LATS1: variants seen among roughly 807,000 people sequenced by gnomAD.
LATS1 encodes large tumor suppressor kinase 1, also known as serine/threonine-protein kinase LATS1.
In LATS1, 25 loss-of-function variants were observed where a neutral mutation model predicts 106.6. The observed-to-expected ratio is 0.23, with a 90% CI of 0.17 to 0.33. The LOEUF (loss-of-function observed/expected upper bound fraction) is 0.33, where lower values mean the gene tolerates loss of function less well. Ranked by LOEUF, LATS1 falls within the 10% of genes least tolerant of loss-of-function variation. LATS1 has a pLI of 1.00. For missense variants in LATS1, 1,040 were observed against 1,382.6 expected, an observed-to-expected ratio of 0.75 and a Z score of 3.93; for synonymous variants, 465 against 455.6, an observed-to-expected ratio of 1.02 and a Z score of -0.26.
intron 2 of LATS1, among the ~76,000 whole-genome samples, chr6:149,699,049 A>G (rs892029215): frequency 4.8e-5 from 6 of 126,310 alleles, no homozygotes; most frequent in Non-Finnish European, 9.6e-5. Context: ...GTCACCAGAA[A>G]CACATTCTCA....
intron 4 of LATS1, among the ~76,000 whole-genome samples, chr6:149,681,572 C>T (rs537446161): frequency 1.3e-5 from 2 of 152,228 alleles, no homozygotes; most frequent in East Asian, 1.9e-4. Context: ...TAAGAAAATA[C>T]ACATAGGCAG....
At chr6:149,689,969 C>T (rs1204320055) in intron 3 of LATS1, among the ~76,000 whole-genome samples, 1 of 143,194 alleles carries the variant, frequency 7.0e-6, no homozygotes, top group Non-Finnish European at 1.6e-5. Context: ...TAAGTCTTTA[C>T]TTAAAAAAAA....
At position 149,683,550 on chromosome 6, in the gene LATS1, T is replaced by C. The variant is rs567381695; in HGVS notation, c.1539A>G (p.Ala513=). The C allele has an allele frequency of 6.2e-7, 1 of 1,614,240 alleles. No individual in the cohort carries two copies. Among genetic ancestry groups the C allele is most frequent in the South Asian group, 1.1e-5 (1 of 91,088 alleles). ...VLKPELQTAL[A]PTHPSWIPQP... is the part of the protein sequence containing the mutation. ...GTGGTATCCAAGAAGGGTGTGTAGG[T>C]GCTAAAGCAGTCTGTAGCTCTGGTT... The change falls in exon 4 of 8, where the codon GCA becomes GCG. Residue 513 remains alanine (A), a synonymous_variant. Coordinates refer to ENST00000543571, the MANE Select transcript of LATS1 (RefSeq NM_004690.4).
Position 149,660,652 on chromosome 6 carries a change from A to C in LATS1, c.*1077T>G. The C allele has an allele frequency of 4.3e-6, 1 of 231,312 alleles. No individual in the cohort carries two copies. The highest frequency in any genetic ancestry group is 8.5e-6 in the Non-Finnish European group (1 of 116,972). 14.3% of individuals were successfully genotyped at this position (231,312 alleles called of 1,614,324 possible). A position where few individuals can be genotyped will look rare whatever the true frequency, so the allele number is the denominator to read the frequency against. On this transcript the variant is annotated 3_prime_UTR_variant, in exon 8 of 8. Coordinates refer to ENST00000543571, the MANE Select transcript of LATS1 (RefSeq NM_004690.4). Reference sequence around the variant, plus strand: ...ATGTTGAACGCATTATTGAACCTTAAATAAATTAGGAGGACTTGAATTTTC... The same window carrying C: ...ATGTTGAACGCATTATTGAACCTTACATAAATTAGGAGGACTTGAATTTTC...
At position 149,660,818 on chromosome 6, in the gene LATS1, ACT is replaced by A. The variant is rs1222447867; in HGVS notation, c.*909_*910del. ...GCCAATAACAATCTGTATATGCAGC[ACT>A]GTTCTGAAAGAGGAAACAGGTAACA... On this transcript the variant is annotated 3_prime_UTR_variant, in exon 8 of 8. Transcript: ENST00000543571. 2.8e-5 allele frequency: 6 copies of A among 217,852 alleles called. No homozygotes were observed. The highest frequency in any genetic ancestry group is 1.3e-4 in the African/African-American group (6 of 44,582). The allele number at this position is 217,852 out of a possible 1,614,324, so 13.5% of individuals were successfully genotyped here. A position where few individuals can be genotyped will look rare whatever the true frequency, so the allele number is the denominator to read the frequency against.
intron 7 of LATS1, among the ~76,000 whole-genome samples, chr6:149,674,781 G>C (rs1781624734): frequency 1.3e-5 from 2 of 151,466 alleles, no homozygotes; most frequent in African/African-American, 4.9e-5. Flanking sequence ...AAAAAAAAAT[G>C]CACCTGCGGT....
chr6:149,687,349 C>T (rs1335442805), intron 3 of LATS1, among the ~76,000 whole-genome samples: 1 of 152,152 alleles, frequency 6.6e-6, no homozygotes, highest in Non-Finnish European at 1.5e-5. Context: ...CCTCAGCATC[C>T]CAAAGTGTTG....
In LATS1 at chr6:149,669,372, A is replaced by G. The variant is rs542241494; in HGVS notation, c.2883+6888T>C. On this transcript the variant is annotated intron_variant, in intron 7 of 7. Transcript: ENST00000543571. Reference sequence around the variant, plus strand: ...ATGGTCTCGATCTCCTGACCTCATGATCTACCTGCCTTGGCCTCCCAAAGT... The same window carrying G: ...ATGGTCTCGATCTCCTGACCTCATGGTCTACCTGCCTTGGCCTCCCAAAGT... Among the ~76,000 whole-genome samples, 204 of 144,526 alleles carry G rather than the reference A, an allele frequency of 1.4e-3. 3 individuals are homozygous for G. Among genetic ancestry groups the G allele is most frequent in the African/African-American group, 5.1e-3 (197 of 38,526 alleles). 94.8% of individuals were successfully genotyped at this position (144,526 alleles called of 152,430 possible).
rs993711757 is a variant in LATS1, at chr6:149,659,736, G to A, written c.*1993C>T. The A allele has an allele frequency of 2.2e-5, 5 of 226,794 alleles. No homozygotes were observed. Among genetic ancestry groups the A allele is most frequent in the Admixed American group, 5.7e-5 (1 of 17,570 alleles). 14.0% of individuals were successfully genotyped at this position (226,794 alleles called of 1,614,324 possible). A position where few individuals can be genotyped will look rare whatever the true frequency, so the allele number is the denominator to read the frequency against. The stretch of plus-strand genomic sequence containing the variant: ...CACCTAAAAATTCTTGAACTACTTT[G>A]TTTTGCATAGGATTTTATGGGACTA... On this transcript the variant is annotated 3_prime_UTR_variant, in exon 8 of 8. Transcript: ENST00000543571.
At chr6:149,671,115 G>A (rs534816860) in intron 7 of LATS1, among the ~76,000 whole-genome samples, 6 of 130,122 alleles carry the variant, frequency 4.6e-5, no homozygotes, top group South Asian at 2.4e-4. Context: ...TTGAGGTTCA[G>A]TTGTTTTTTT....
chr6:149,711,048 T>C (rs550957217), intron 1 of LATS1, among the ~76,000 whole-genome samples: 1 of 152,086 alleles, frequency 6.6e-6, no homozygotes, highest in Admixed American at 6.6e-5. Flanking sequence ...TAAGACCATA[T>C]TAAAGACGTA....
At chr6:149,714,082 A>T (rs1204774771) in intron 1 of LATS1, among the ~76,000 whole-genome samples, 2 of 149,476 alleles carry the variant, frequency 1.3e-5, no homozygotes, top group African/African-American at 4.9e-5. Context: ...AGTGATTCTC[A>T]TGCCTCAGCC....
At chr6:149,678,074 A>C (rs528155916) in intron 5 of LATS1, among the ~76,000 whole-genome samples, 32 of 137,376 alleles carry the variant, frequency 2.3e-4, no homozygotes, top group Middle Eastern at 4.1e-3. Flanking sequence ...AATCCCAGCC[A>C]CTTTGGGAGG....
At chr6:149,703,358 T>C (rs7738354) in intron 1 of LATS1, among the ~76,000 whole-genome samples, 3,758 of 152,310 alleles carry the variant, frequency 0.025, 136 homozygotes, top group African/African-American at 0.085. Flanking sequence ...TTCCAAGCTA[T>C]GAACTAGGAC....
At chr6:149,703,041 T>C (rs1783557798) in intron 1 of LATS1, among the ~76,000 whole-genome samples, 1 of 151,812 alleles carries the variant, frequency 6.6e-6, no homozygotes. Flanking sequence ...TGGTGCAACC[T>C]TGGCTCACTG....
chr6:149,679,831 C>A, intron 5 of LATS1, 44 bp downstream of exon 5: 2 of 1,328,362 alleles, frequency 1.5e-6, no homozygotes, highest in Non-Finnish European at 2.1e-6. Context: ...CAATAAATTA[C>A]ATTATTATGA....
intron 1 of LATS1, among the ~76,000 whole-genome samples, chr6:149,711,773 C>T (rs1784114650): frequency 6.6e-6 from 1 of 152,134 alleles, no homozygotes; most frequent in Non-Finnish European, 1.5e-5. Context: ...AAATCAGGGT[C>T]CAATCTCCCC....
chr6:149,717,393 A>C (rs1405748283), intron 1 of LATS1, among the ~76,000 whole-genome samples: 1 of 152,182 alleles, frequency 6.6e-6, no homozygotes, highest in Non-Finnish European at 1.5e-5. Flanking sequence ...AATCACACTG[A>C]ACTAGACGTA....
chr6:149,696,557 C>CA (rs1783083164), intron 2 of LATS1, among the ~76,000 whole-genome samples: 1 of 50,002 alleles, frequency 2.0e-5, no homozygotes, highest in African/African-American at 9.8e-5. Flanking sequence ...AAAACTCCGT[C>CA]TTAAAAAAAA....
Sources: gnomAD v4.1 joint callset for allele counts (sites outside exome capture counted in the v4.1 genomes callset) on GRCh38, gnomAD v4.1.1 for gene constraint, MANE v1.5 for transcripts, NCBI Gene and HGNC (gene_info 2026-07-23, HGNC 2026-07-21) for gene names.